The following CYTH1 variants were observed in gnomAD, a reference collection of about 807,000 sequenced individuals.
CYTH1 encodes the protein cytohesin-1.
CYTH1 carries 18 observed loss-of-function variants against 61.8 expected under a neutral mutation model. The ratio of observed to expected loss-of-function variants is 0.29; its 90% confidence interval spans 0.20 to 0.43. The LOEUF (loss-of-function observed/expected upper bound fraction) is 0.43. CYTH1 is among the 20% of genes least tolerant of loss of function. The pLI is 1.00. For missense variants in CYTH1, 336 were observed against 510.5 expected (o/e 0.66, Z 3.29); for synonymous variants, 174 against 184.3 (o/e 0.94, Z 0.45).
intron 9 of CYTH1, 131 bp from the exon 10 acceptor site, chr17:78,696,140 T>C (rs1388281064): frequency 2.4e-6 from 3 of 1,260,256 alleles, no homozygotes; most frequent in East Asian, 1.1e-4. Context: ...GTCACATTCA[T>C]GCCTGCCTGG....
intron 1 of CYTH1, among the ~76,000 whole-genome samples, chr17:78,781,164 G>A (rs2093515804): frequency 6.9e-6 from 1 of 145,206 alleles, no homozygotes; most frequent in Admixed American, 6.8e-5. Context: ...GCGAGATCTC[G>A]TCTCTTAAAA....
chr17:78,733,076 C>CAAA (rs56020680), intron 1 of CYTH1, among the ~76,000 whole-genome samples: 8 of 47,722 alleles, frequency 1.7e-4, no homozygotes, highest in African/African-American at 5.8e-4. Flanking sequence ...GACTCCATCT[C>CAAA]AAAAAAAAAA....
chr17:78,724,955 A>G (rs2093257732), intron 1 of CYTH1, among the ~76,000 whole-genome samples: 1 of 152,246 alleles, frequency 6.6e-6, no homozygotes, highest in Non-Finnish European at 1.5e-5. Context: ...CTTATTTAAA[A>G]GAATCATACT....
In CYTH1 at chr17:78,675,797, G is replaced by A; in HGVS notation, c.*294C>T. ...CAGTTGGCTCTGAGCTCTGCTACCA[G>A]AACACTGAGCAGAGAAACTGGCCAG... On this transcript the variant is annotated 3_prime_UTR_variant, in exon 14 of 14. Coordinates refer to ENST00000446868, the MANE Select transcript of CYTH1 (RefSeq NM_004762.6). 7.6e-7 allele frequency: 1 copy of A among 1,323,682 alleles called. No homozygotes were observed. Among genetic ancestry groups the A allele is most frequent in the Non-Finnish European group, 1.0e-6 (1 of 994,454 alleles). The allele number at this position is 1,323,682 out of a possible 1,614,324, so 82.0% of individuals were successfully genotyped here.
chr17:78,729,448 C>T (rs1283247676), intron 1 of CYTH1, among the ~76,000 whole-genome samples: 1 of 152,132 alleles, frequency 6.6e-6, no homozygotes, highest in Non-Finnish European at 1.5e-5. Context: ...AATAACATAC[C>T]ATTTTCCATT....
intron 1 of CYTH1, chr17:78,716,938 CG>C (rs1372991499): frequency 6.6e-6 from 1 of 152,250 alleles, no homozygotes; most frequent in Non-Finnish European, 1.5e-5. Flanking sequence ...CCTCACAGCC[CG>C]GGAGTTTCTG....
chr17:78,740,391 T>A (rs1209542704), intron 1 of CYTH1, among the ~76,000 whole-genome samples: 1 of 152,348 alleles, frequency 6.6e-6, no homozygotes, highest in East Asian at 1.9e-4. Flanking sequence ...CTGCTCCCAC[T>A]ATTCAATGCC....
intron 1 of CYTH1, among the ~76,000 whole-genome samples, chr17:78,726,816 G>T (rs932844217): frequency 6.6e-6 from 1 of 152,172 alleles, no homozygotes; most frequent in African/African-American, 2.4e-5. Flanking sequence ...AAAGAAAAGG[G>T]ACTGGAAGCT....
intron 2 of CYTH1, chr17:78,708,806 G>C (rs1276650211): frequency 6.5e-6 from 1 of 154,368 alleles, no homozygotes; most frequent in African/African-American, 2.4e-5. Context: ...TCACGGGGAA[G>C]TGGGGCTTAA....
chr17:78,702,046 A>T, intron 5 of CYTH1, 76 bp downstream of exon 5: 1 of 1,224,446 alleles, frequency 8.2e-7, no homozygotes. Flanking sequence ...AGAACTTCAG[A>T]GTATTTGGGA....
intron 1 of CYTH1, among the ~76,000 whole-genome samples, chr17:78,716,441 TG>T (rs2093181553): frequency 6.6e-6 from 1 of 152,226 alleles, no homozygotes; most frequent in African/African-American, 2.4e-5. Flanking sequence ...CTGGCCAATT[TG>T]TAGCTAGAAT....
intron 1 of CYTH1, among the ~76,000 whole-genome samples, chr17:78,739,330 A>C (rs183178673): frequency 6.6e-6 from 1 of 152,376 alleles, no homozygotes; most frequent in East Asian, 1.9e-4. Context: ...GACTAAAGAG[A>C]CAAAATGCCT....
At chr17:78,706,139 G>A (rs952203658) in intron 3 of CYTH1, among the ~76,000 whole-genome samples, 7 of 151,730 alleles carry the variant, frequency 4.6e-5, no homozygotes, top group Non-Finnish European at 7.4e-5. Context: ...TTTTAAGATC[G>A]AGGTAAAATT....
intron 3 of CYTH1, 139 bp from the exon 4 acceptor site, chr17:78,702,743 T>C (rs1486566340): frequency 1.1e-6 from 1 of 889,496 alleles, no homozygotes. Flanking sequence ...GGTGGAACTA[T>C]GAAAGGCCAA....
At chr17:78,766,468 C>T (rs1332079333) in intron 1 of CYTH1, among the ~76,000 whole-genome samples, 1 of 152,180 alleles carries the variant, frequency 6.6e-6, no homozygotes, top group South Asian at 2.1e-4. Flanking sequence ...CAACATCAAA[C>T]CCAGTTTACC....
chr17:78,717,457 T>C lies in CYTH1; in HGVS notation c.23-7725A>G, dbSNP rs1455557711. ...AGGCGCTATTGTGCTTGGCTGTGAATAGGAAAGCCACACAAGGGAAGCTTT... is the reference window on the plus strand; with the variant it reads ...AGGCGCTATTGTGCTTGGCTGTGAACAGGAAAGCCACACAAGGGAAGCTTT... On this transcript the variant is annotated intron_variant, in intron 1 of 13. Coordinates refer to ENST00000446868, the MANE Select transcript of CYTH1 (RefSeq NM_004762.6). The surrounding 1 kb of genome is among the most constrained non-coding windows in gnomAD (Gnocchi z 4.4). Among the ~76,000 whole-genome samples the C allele has an allele frequency of 6.6e-6, 1 of 152,234 alleles. No homozygotes were observed. Among genetic ancestry groups the C allele is most frequent in the Non-Finnish European group, 1.5e-5 (1 of 68,036 alleles).
chr17:78,746,445 C>T (rs987075919), intron 1 of CYTH1, among the ~76,000 whole-genome samples: 1 of 152,138 alleles, frequency 6.6e-6, no homozygotes, highest in Non-Finnish European at 1.5e-5. Context: ...GGCCACTTTC[C>T]CACAAGGAGA....
intron 3 of CYTH1, among the ~76,000 whole-genome samples, chr17:78,703,135 C>T (rs1023201404): frequency 1.3e-5 from 2 of 149,518 alleles, no homozygotes; most frequent in Non-Finnish European, 3.0e-5. Flanking sequence ...CAGGGTAGGC[C>T]GGGCACAGTG....
At chr17:78,751,041 T>C (rs1254886987) in intron 1 of CYTH1, among the ~76,000 whole-genome samples, 1 of 152,110 alleles carries the variant, frequency 6.6e-6, no homozygotes, top group East Asian at 1.9e-4. Context: ...TGGAGTCCAG[T>C]GGTGACATCC....
Sources: allele counts gnomAD v4.1 joint callset (sites outside exome capture counted in the v4.1 genomes callset), GRCh38; gene constraint gnomAD v4.1.1; non-coding constraint Gnocchi (gnomAD v3.1); transcripts MANE v1.5; gene names NCBI Gene and HGNC (gene_info 2026-07-23, HGNC 2026-07-21).